ARHGEF9: variants seen among roughly 807,000 people sequenced by gnomAD.
ARHGEF9 encodes rho guanine nucleotide exchange factor 9.
In ARHGEF9, 2 loss-of-function variants were observed where a neutral mutation model predicts 41.3. That is an observed-to-expected ratio of 0.05 (90% CI 0.02 to 0.15). ARHGEF9 has a LOEUF of 0.15. ARHGEF9 is among the 10% of genes least tolerant of loss of function. The probability of loss-of-function intolerance (pLI) is 1.00; values close to 1 mark genes in which losing one functional copy is unlikely to be tolerated. For synonymous variants in ARHGEF9, 160 were observed against 154.4 expected (o/e 1.04, Z -0.27); for missense variants, 225 against 424.7 (o/e 0.53, Z 4.13).
chrX:63,736,020 G>T (rs367824688), intron 1 of ARHGEF9, among the ~76,000 whole-genome samples: 1 of 111,982 alleles, frequency 8.9e-6, no homozygotes, highest in East Asian at 2.8e-4. Flanking sequence ...TCCTAAAAAA[G>T]TCTAGCCCAG....
chrX:63,772,631 C>T (rs1362676222), intron 1 of ARHGEF9, among the ~76,000 whole-genome samples: 1 of 111,583 alleles, frequency 9.0e-6, no homozygotes, highest in Non-Finnish European at 1.9e-5. Flanking sequence ...GTGACACAGT[C>T]AGAATTTGAA....
intron 2 of ARHGEF9, among the ~76,000 whole-genome samples, chrX:63,708,923 C>A (rs1274464495): frequency 8.9e-6 from 1 of 112,144 alleles, no homozygotes; most frequent in Non-Finnish European, 1.9e-5. Context: ...CACAAAACAT[C>A]CCCCGGGCCT....
chrX:63,675,036 T>C (rs1254150174), intron 5 of ARHGEF9, among the ~76,000 whole-genome samples: 1 of 111,075 alleles, frequency 9.0e-6, no homozygotes, highest in African/African-American at 3.3e-5. Context: ...AATGTTGATG[T>C]GATGGCCGAA....
intron 1 of ARHGEF9, among the ~76,000 whole-genome samples, chrX:63,750,193 A>G (rs1556439175): frequency 8.9e-6 from 1 of 112,060 alleles, no homozygotes; most frequent in Non-Finnish European, 1.9e-5. Flanking sequence ...GGGACCAGAA[A>G]CTGAGATGGC....
At chrX:63,742,160 A>C (rs781927517) in intron 1 of ARHGEF9, among the ~76,000 whole-genome samples, 1 of 112,145 alleles carries the variant, frequency 8.9e-6, no homozygotes, top group African/African-American at 3.2e-5. Context: ...CCCCTCATTC[A>C]TCTAAAGAGC....
At chrX:63,770,601 G>C (rs1247045516) in intron 1 of ARHGEF9, among the ~76,000 whole-genome samples, 1 of 112,084 alleles carries the variant, frequency 8.9e-6, no homozygotes, top group Non-Finnish European at 1.9e-5. Flanking sequence ...GAGGGACCAA[G>C]GGCGGAATAA....
At chrX:63,645,755 G>T (rs1165814765) in intron 8 of ARHGEF9, among the ~76,000 whole-genome samples, 3 of 111,821 alleles carry the variant, frequency 2.7e-5, no homozygotes, top group Non-Finnish European at 5.6e-5. Flanking sequence ...GTAATGGGAT[G>T]GCTGGGTCAA....
intron 1 of ARHGEF9, among the ~76,000 whole-genome samples, chrX:63,764,805 CTTG>C (rs1464216708): frequency 2.7e-5 from 3 of 110,129 alleles, no homozygotes; most frequent in African/African-American, 9.9e-5. Flanking sequence ...CACACTGGGG[CTTG>C]TTGGTGGGGC....
intron 8 of ARHGEF9, among the ~76,000 whole-genome samples, chrX:63,646,585 T>C (rs1272977526): frequency 4.5e-5 from 5 of 111,635 alleles, no homozygotes; most frequent in African/African-American, 6.5e-5. Context: ...TTCCATTGGT[T>C]TATATCTCTG....
chrX:63,778,043 G>A lies in ARHGEF9; in HGVS notation c.30+7073C>T, dbSNP rs782581593. ...GCCCCAGTGGGGACTCTGTGTGGGA[G>A]CTCCAACCCCACATTTCCCTTCCAC... On this transcript the variant is annotated intron_variant, in intron 1 of 9. Transcript: ENST00000671741. Among the ~76,000 whole-genome samples the A allele has an allele frequency of 7.1e-5, 8 of 112,872 alleles. No individual in the cohort carries two copies. The South Asian group carries it at 2.6e-3, about 36-fold the overall frequency.
chrX:63,678,931 C>T (rs2050439143), intron 4 of ARHGEF9, among the ~76,000 whole-genome samples: 1 of 111,631 alleles, frequency 9.0e-6, no homozygotes, highest in African/African-American at 3.3e-5. Context: ...CTGGCAATGA[C>T]AGACTAAGTT....
At chrX:63,770,532 C>T (rs1408457040) in intron 1 of ARHGEF9, among the ~76,000 whole-genome samples, 1 of 111,941 alleles carries the variant, frequency 8.9e-6, no homozygotes, top group East Asian at 2.8e-4. Flanking sequence ...TAAATTAAGG[C>T]TTTGGGGGAC....
At chrX:63,674,825 T>C (rs1166463860) in intron 5 of ARHGEF9, among the ~76,000 whole-genome samples, 1 of 111,531 alleles carries the variant, frequency 9.0e-6, no homozygotes, top group Admixed American at 9.6e-5. Flanking sequence ...TCTCTTACTG[T>C]CTGCTCTTTC....
At chrX:63,672,875 G>A (rs1446611929) in intron 6 of ARHGEF9, among the ~76,000 whole-genome samples, 1 of 111,940 alleles carries the variant, frequency 8.9e-6, no homozygotes, top group Non-Finnish European at 1.9e-5. Context: ...GCCAACACAA[G>A]GAAAAAAGGA....
At position 63,637,882 on chromosome X, in the gene ARHGEF9, C is replaced by CTG. The variant is rs1318115275; in HGVS notation, c.*144_*145dup. 94 of 293,897 alleles carry CTG rather than the reference C, an allele frequency of 3.2e-4. No individual in the cohort carries two copies. The highest frequency in any genetic ancestry group is 6.6e-4 in the Admixed American group (11 of 16,731). The allele number at this position is 293,897 out of a possible 1,213,427, so 24.2% of individuals were successfully genotyped here. On this transcript the variant is annotated 3_prime_UTR_variant, in exon 10 of 10. Coordinates refer to ENST00000671741, the MANE Select transcript of ARHGEF9 (RefSeq NM_001353921.2). Reference sequence around the variant, plus strand: ...TGTGTGTGTGTGTGTGTGTGTGTGTCTGTGTGTGTGTGTGTGTATGTGTAC... The same window carrying CTG: ...TGTGTGTGTGTGTGTGTGTGTGTGTCTGTGTGTGTGTGTGTGTGTATGTGTAC...
At chrX:63,660,333 CT>C (rs782543978) in intron 7 of ARHGEF9, among the ~76,000 whole-genome samples, 1 of 110,929 alleles carries the variant, frequency 9.0e-6, no homozygotes, top group Non-Finnish European at 1.9e-5. Flanking sequence ...CAAGAGGGAG[CT>C]AAATATTGAG....
chrX:63,644,321 T>A, intron 8 of ARHGEF9: 1 of 207,655 alleles, frequency 4.8e-6, no homozygotes, highest in Non-Finnish European at 8.7e-6. Context: ...AAGAGTCTGT[T>A]AATGGAGAAT....
At chrX:63,719,406 C>T (rs782408215) in intron 2 of ARHGEF9, among the ~76,000 whole-genome samples, 8 of 111,921 alleles carry the variant, frequency 7.1e-5, no homozygotes, top group African/African-American at 1.3e-4. Context: ...CCAAGCCTGC[C>T]CTTTCTTGAT....
rs782113454 is a variant in ARHGEF9 at position 63,741,004 on chromosome X, C to T, written c.31-16293G>A. Among the ~76,000 whole-genome samples the T allele has an allele frequency of 2.7e-5, 3 of 112,663 alleles. No individual in the cohort carries two copies. The South Asian group carries it at 1.1e-3, about 41-fold the overall frequency. ...CAAAGGGATCTCCCGCTTATGCATC[C>T]TACCACTTCCCCTCACACCCTAACA... On this transcript the variant is annotated intron_variant, in intron 1 of 9. Transcript: ENST00000671741.
Sources: gnomAD v4.1 joint callset for allele counts (sites outside exome capture counted in the v4.1 genomes callset) on GRCh38, gnomAD v4.1.1 for gene constraint, MANE v1.5 for transcripts, NCBI Gene and HGNC (gene_info 2026-07-23, HGNC 2026-07-21) for gene names.